PCDHA8: variants seen among roughly 807,000 people sequenced by gnomAD.
PCDHA8 encodes the protein protocadherin alpha-8.
In PCDHA8, 53 loss-of-function variants were observed where a neutral mutation model predicts 61.8. The observed-to-expected ratio is 0.86, with a 90% CI of 0.69 to 1.08. The LOEUF is 1.08. Among genes scored for constraint, PCDHA8 ranks in the 50% least tolerant of loss-of-function variants. PCDHA8 has a pLI of 0.00. For missense variants in PCDHA8, 1,293 were observed against 1,245.0 expected (o/e 1.04, Z -0.58); for synonymous variants, 618 against 556.6 (o/e 1.11, Z -1.55).
Position 140,927,631 on chromosome 5 carries a change from C to T in PCDHA8, c.2395-51318C>T, listed in dbSNP as rs760961070. 1.7e-5 allele frequency: 28 copies of T among 1,614,068 alleles called. No homozygotes were observed. In the Admixed American group the frequency reaches 2.5e-4, roughly 14 times the overall value. On this transcript the variant is annotated intron_variant, in intron 1 of 3. Coordinates refer to ENST00000531613, the MANE Select transcript of PCDHA8 (RefSeq NM_018911.3). ...CCGCACCAAGGTTCCAGAGACTGCA[C>T]CCAATGGGACTGTGTTATTCCGAGT...
intron 3 of PCDHA8, among the ~76,000 whole-genome samples, chr5:141,008,458 C>T (rs1234894606): frequency 3.9e-5 from 6 of 152,252 alleles, no homozygotes; most frequent in Middle Eastern, 3.4e-3. Context: ...CCTTCCTCTC[C>T]AGCTCTGACT....
chr5:141,009,491 C>G, intron 3 of PCDHA8, 136 bp from the exon 4 acceptor site: 1 of 1,475,722 alleles, frequency 6.8e-7, no homozygotes, highest in Non-Finnish European at 9.0e-7. Flanking sequence ...GCCTTGCCCT[C>G]AGACTTGAAC....
chr5:140,870,310 T>G, intron 1 of PCDHA8: 1 of 1,614,122 alleles, frequency 6.2e-7, no homozygotes, highest in South Asian at 1.1e-5. Flanking sequence ...CTTCAAGAAT[T>G]ACTACTCGTT....
intron 1 of PCDHA8, among the ~76,000 whole-genome samples, chr5:140,888,739 GA>G (rs782625301): frequency 6.6e-6 from 1 of 151,978 alleles, no homozygotes; most frequent in Non-Finnish European, 1.5e-5. Flanking sequence ...TGAGCTCTAG[GA>G]ATTATTCTAC....
intron 1 of PCDHA8, among the ~76,000 whole-genome samples, chr5:140,940,172 C>T (rs1177302028): frequency 6.6e-6 from 1 of 152,102 alleles, no homozygotes; most frequent in Non-Finnish European, 1.5e-5. Flanking sequence ...AAATGTCATT[C>T]TTGATAGATA....
chr5:141,004,745 A>C (rs1282005519), intron 3 of PCDHA8, among the ~76,000 whole-genome samples: 2 of 152,158 alleles, frequency 1.3e-5, no homozygotes, highest in Non-Finnish European at 2.9e-5. Flanking sequence ...CTTTTGTCTC[A>C]GTCTCTTAGA....
chr5:140,857,359 G>T lies in PCDHA8; in HGVS notation c.2394+13644G>T, dbSNP rs200721411. ...GGGGCTCGCCTCCGCTGTGGGCCAC[G>T]GCCAGCGTGTCTGTGGAGGTGGCCG... On this transcript the variant is annotated intron_variant, in intron 1 of 3. Coordinates refer to ENST00000531613, the MANE Select transcript of PCDHA8 (RefSeq NM_018911.3). 3 of 1,598,398 alleles carry T rather than the reference G, an allele frequency of 1.9e-6. No individual in the cohort carries two copies. The South Asian group carries it at 3.3e-5, about 18-fold the overall frequency.
chr5:140,871,487 C>A, intron 1 of PCDHA8: 1 of 1,591,808 alleles, frequency 6.3e-7, no homozygotes, highest in South Asian at 1.1e-5. Flanking sequence ...TCAAATCACC[C>A]CGGACAGGTG....
intron 1 of PCDHA8, chr5:140,863,962 C>T (rs1378381215): frequency 6.4e-6 from 1 of 155,852 alleles, no homozygotes; most frequent in Non-Finnish European, 1.4e-5. Context: ...GATTAGGCCA[C>T]TGCACTACAG....
chr5:140,950,820 AG>A (rs1429119954), intron 1 of PCDHA8, among the ~76,000 whole-genome samples: 2 of 152,088 alleles, frequency 1.3e-5, no homozygotes, highest in Non-Finnish European at 2.9e-5. Context: ...GTAGGGTTAA[AG>A]TTTGGTCCTT....
At chr5:140,870,561 C>T (rs544569992) in intron 1 of PCDHA8, 6 of 1,614,010 alleles carry the variant, frequency 3.7e-6, no homozygotes, top group African/African-American at 1.3e-5. Flanking sequence ...CGCAGGAGAA[C>T]GCGCTGGTGT....
At chr5:140,877,838 A>G (rs1395855806) in intron 1 of PCDHA8, 16 of 1,583,236 alleles carry the variant, frequency 1.0e-5, no homozygotes, top group Non-Finnish European at 1.4e-5. Flanking sequence ...CCTCCCAGTG[A>G]AGTAAGTTAT....
At chr5:140,906,753 T>G (rs2072907402) in intron 1 of PCDHA8, among the ~76,000 whole-genome samples, 1 of 152,224 alleles carries the variant, frequency 6.6e-6, no homozygotes, top group Non-Finnish European at 1.5e-5. Context: ...CAGGGCATGG[T>G]AATACTAAGA....
At chr5:140,906,124 G>A (rs1399975318) in intron 1 of PCDHA8, among the ~76,000 whole-genome samples, 2 of 151,992 alleles carry the variant, frequency 1.3e-5, no homozygotes, top group Non-Finnish European at 2.9e-5. Flanking sequence ...TGACACAAAT[G>A]TTAGTCTCCT....
At chr5:140,952,352 A>G (rs2094730295) in intron 1 of PCDHA8, among the ~76,000 whole-genome samples, 1 of 103,372 alleles carries the variant, frequency 9.7e-6, no homozygotes, top group Non-Finnish European at 2.0e-5. Flanking sequence ...AAAAAAAAAA[A>G]AAGAAAGAAA....
intron 1 of PCDHA8, among the ~76,000 whole-genome samples, chr5:140,896,747 G>C (rs1162214018): frequency 1.3e-5 from 2 of 152,070 alleles, no homozygotes; most frequent in Admixed American, 1.3e-4. Context: ...ATAGATTCTG[G>C]ATATTAGACC....
intron 1 of PCDHA8, among the ~76,000 whole-genome samples, chr5:140,951,891 C>T (rs913687305): frequency 1.3e-5 from 2 of 152,110 alleles, no homozygotes; most frequent in Non-Finnish European, 2.9e-5. Context: ...TCTCTTCTGC[C>T]TATGAGCCTG....
At chr5:140,979,178 G>C (rs782006168) in intron 2 of PCDHA8, 171 bp downstream of exon 2, 32 of 944,022 alleles carry the variant, frequency 3.4e-5, no homozygotes, top group Non-Finnish European at 4.0e-5. Flanking sequence ...GATCGCAAAT[G>C]GTCAGTGCCA....
intron 1 of PCDHA8, chr5:140,876,536 T>C (rs782148318): frequency 1.2e-6 from 2 of 1,614,238 alleles, no homozygotes; most frequent in Non-Finnish European, 1.7e-6. Context: ...GTTACTTCAC[T>C]GTCGCTCCCT....
Sources: allele counts gnomAD v4.1 joint callset (sites outside exome capture counted in the v4.1 genomes callset), GRCh38; gene constraint gnomAD v4.1.1; transcripts MANE v1.5; gene names NCBI Gene and HGNC (gene_info 2026-07-23, HGNC 2026-07-21).